Variants in MYH10 observed in about 807,000 individuals in gnomAD.
The protein encoded by MYH10 is myosin heavy chain 10, also known as myosin-10.
In MYH10, 55 loss-of-function variants were observed where a neutral mutation model predicts 257.8. The observed-to-expected ratio is 0.21, with a 90% confidence interval of 0.17 to 0.27. The LOEUF is 0.27. MYH10 is among the 10% of genes least tolerant of loss of function. MYH10 has a pLI of 1.00. For missense variants in MYH10, 1,631 were observed against 2,500.6 expected, an observed-to-expected ratio of 0.65 and a Z score of 7.42; for synonymous variants, 854 against 921.7, an observed-to-expected ratio of 0.93 and a Z score of 1.33.
At chr17:8,617,351 G>A (rs2085305596) in intron 2 of MYH10, among the ~76,000 whole-genome samples, 1 of 152,108 alleles carries the variant, frequency 6.6e-6, no homozygotes, top group African/African-American at 2.4e-5. Context: ...TGAGGCAACA[G>A]CTCTTTCCTA....
At chr17:8,592,975 G>C (rs770672803) in intron 3 of MYH10, among the ~76,000 whole-genome samples, 8 of 23,458 alleles carry the variant, frequency 3.4e-4, no homozygotes, top group Non-Finnish European at 7.3e-4. Flanking sequence ...ATATATAAAA[G>C]ATGATGCACA....
chr17:8,518,317 A>T (rs1459917022), intron 21 of MYH10, among the ~76,000 whole-genome samples: 3 of 152,068 alleles, frequency 2.0e-5, no homozygotes, highest in African/African-American at 7.2e-5. Context: ...TATTTTTAGT[A>T]GAGATGGGGT....
At chr17:8,627,013 T>G (rs1430471847) in intron 1 of MYH10, among the ~76,000 whole-genome samples, 1 of 152,242 alleles carries the variant, frequency 6.6e-6, no homozygotes, top group Non-Finnish European at 1.5e-5. Context: ...TCTTACATAT[T>G]ATCAGTACTT....
chr17:8,543,690 T>C (rs1195176777), intron 13 of MYH10, among the ~76,000 whole-genome samples: 2 of 152,164 alleles, frequency 1.3e-5, no homozygotes, highest in Non-Finnish European at 2.9e-5. Context: ...GACAGGCTGG[T>C]CTTGAACTCC....
Position 8,518,875 on chromosome 17 carries a change from C to T in MYH10, c.2343+6G>A, listed in dbSNP as rs778373454. Reference sequence around the variant, plus strand: ...ACAAGCCAGAAAAAGATCAAGAAAACCTTACCATTCGTTCACAGGCCTGTT... The same window carrying T: ...ACAAGCCAGAAAAAGATCAAGAAAATCTTACCATTCGTTCACAGGCCTGTT... On this transcript the variant is annotated splice_donor_region_variant and intron_variant, in intron 20 of 42. Coordinates refer to ENST00000360416, the MANE Select transcript of MYH10 (RefSeq NM_001256012.3). The T allele has an allele frequency of 1.1e-5, 18 of 1,606,906 alleles. No homozygotes were observed. Among genetic ancestry groups the T allele is most frequent in the Non-Finnish European group, 1.5e-5 (18 of 1,177,148 alleles).
chr17:8,475,916 C>G lies in MYH10; in HGVS notation c.5912G>C (p.Arg1971Pro). The change falls in exon 43 of 43, where the codon CGA becomes CCA. Residue 1971 changes from arginine (R) to proline (P), a missense_variant. By Grantham distance (103) the Arg-to-Pro change is moderately radical. This residue lies in a region of MYH10 where 343 missense variants were observed against 389.5 expected (regional missense o/e 0.88). Coordinates refer to ENST00000360416, the MANE Select transcript of MYH10 (RefSeq NM_001256012.3). ...AAGGTGCAGCTGGCGCCGGCCAGAT[C>G]GGCTGGAAGAGAAGCTGATGGGGCC... ...RGGPISFSSSRSGRRQLHLEG... is the reference protein window; with the variant it reads ...RGGPISFSSSPSGRRQLHLEG... The G allele has an allele frequency of 1.2e-6, 2 of 1,614,038 alleles. No individual in the cohort carries two copies. Among genetic ancestry groups the G allele is most frequent in the Non-Finnish European group, 1.7e-6 (2 of 1,180,022 alleles).
chr17:8,593,493 A>G (rs1309851498), intron 3 of MYH10, among the ~76,000 whole-genome samples: 2 of 152,176 alleles, frequency 1.3e-5, no homozygotes, highest in African/African-American at 4.8e-5. Flanking sequence ...AAAAAAGTCA[A>G]TGTATATTTT....
intron 17 of MYH10, among the ~76,000 whole-genome samples, chr17:8,526,091 G>A (rs1244535789): frequency 6.6e-6 from 1 of 152,084 alleles, no homozygotes; most frequent in Non-Finnish European, 1.5e-5. Flanking sequence ...GCGCCCAGCC[G>A]TTTTTAATTC....
chr17:8,511,051 TATATATATACAC>T (rs1278659732), intron 24 of MYH10: 561 of 44,240 alleles, frequency 0.013, 16 homozygotes, highest in African/African-American at 0.043. Flanking sequence ...TATATATATA[TATATATATACAC>T]ACATACATAC....
At chr17:8,491,348 G>T (rs528868663) in intron 34 of MYH10, among the ~76,000 whole-genome samples, 16 of 152,330 alleles carry the variant, frequency 1.1e-4, no homozygotes, top group South Asian at 6.2e-4. Context: ...CAACTGTAGA[G>T]TTCTCTCTCC....
At position 8,548,302 on chromosome 17, in the gene MYH10, C is replaced by T. The variant is rs1226642041; in HGVS notation, c.1159+11G>A. On this transcript the variant is annotated intron_variant, in intron 11 of 42. Coordinates refer to ENST00000360416, the MANE Select transcript of MYH10 (RefSeq NM_001256012.3). ...TCGAAACAGAAATAAAGTCAGTATT[C>T]ATCAGTTTACCTGTATTTTCTGGCA... 6.3e-7 allele frequency: 1 copy of T among 1,584,388 alleles called. No homozygotes were observed. The highest frequency in any genetic ancestry group is 1.7e-5 in the Admixed American group (1 of 58,498).
rs1372688514 is a variant in MYH10 at position 8,484,183 on chromosome 17, T to C, written c.5130A>G (p.Glu1710=). 1.2e-6 allele frequency: 2 copies of C among 1,610,292 alleles called. No homozygotes were observed. Among genetic ancestry groups the C allele is most frequent in the African/African-American group, 1.3e-5 (1 of 74,704 alleles). The change falls in exon 37 of 43, where the codon GAA becomes GAG. Residue 1710 remains glutamate (E), a synonymous_variant. Coordinates refer to ENST00000360416, the MANE Select transcript of MYH10 (RefSeq NM_001256012.3). ...DEIFAQSKES[E]KKLKSLEAEI... is the part of the protein sequence containing the mutation. Reference sequence around the variant, plus strand: ...CTGCTTCCAGACTCTTCAATTTCTTTTCACTCTCTTTGGATTGAGCAAAAA... The same window carrying C: ...CTGCTTCCAGACTCTTCAATTTCTTCTCACTCTCTTTGGATTGAGCAAAAA...
intron 14 of MYH10, among the ~76,000 whole-genome samples, chr17:8,539,521 TATATACTATCTC>T (rs1312157976): frequency 6.6e-6 from 1 of 152,250 alleles, no homozygotes; most frequent in East Asian, 1.9e-4. Flanking sequence ...AAGGCCATGC[TATATACTATCTC>T]ATATCCCCAT....
chr17:8,596,659 T>TAGGAGGGAGGGGGAGC (rs2084383061), intron 3 of MYH10, among the ~76,000 whole-genome samples: 1 of 42,466 alleles, frequency 2.4e-5, no homozygotes, highest in African/African-American at 9.5e-5. Context: ...GGAGGGGGAG[T>TAGGAGGGAGGGGGAGC]AGGAGGGAGG....
intron 6 of MYH10, chr17:8,573,878 G>A: frequency 2.1e-6 from 2 of 945,210 alleles, no homozygotes; most frequent in Non-Finnish European, 2.5e-6. Context: ...CACTAGGATG[G>A]CTTTAATAAA....
At chr17:8,611,816 A>AC (rs2085050205) in intron 2 of MYH10, among the ~76,000 whole-genome samples, 1 of 152,172 alleles carries the variant, frequency 6.6e-6, no homozygotes, top group African/African-American at 2.4e-5. Context: ...AAGGAGAAAA[A>AC]AGAGAATGAG....
At chr17:8,482,666 G>C (rs1447881556) in intron 37 of MYH10, among the ~76,000 whole-genome samples, 1 of 152,232 alleles carries the variant, frequency 6.6e-6, no homozygotes, top group African/African-American at 2.4e-5. Context: ...AAGGAAAAGT[G>C]TCAGAAATAG....
At chr17:8,595,425 C>CTTTTTTTTTTTTTTT (rs10664342) in intron 3 of MYH10, among the ~76,000 whole-genome samples, 2 of 84,214 alleles carry the variant, frequency 2.4e-5, no homozygotes, top group African/African-American at 5.8e-5. Flanking sequence ...AAGAACAGTT[C>CTTTTTTTTTTTTTTT]TTTTTTTTTT....
intron 35 of MYH10, among the ~76,000 whole-genome samples, chr17:8,488,020 T>C (rs1702010289): frequency 6.6e-6 from 1 of 152,140 alleles, no homozygotes; most frequent in African/African-American, 2.4e-5. Flanking sequence ...ACATGGGGCA[T>C]GGCCATGTTG....
Sources: allele counts gnomAD v4.1 joint callset (sites outside exome capture counted in the v4.1 genomes callset), GRCh38; gene constraint gnomAD v4.1.1; regional missense constraint gnomAD v4.1.1; transcripts MANE v1.5; gene names NCBI Gene and HGNC (gene_info 2026-07-23, HGNC 2026-07-21).